The following ERH variants were observed in gnomAD, a reference collection of about 807,000 sequenced individuals.
ERH encodes the protein enhancer of rudimentary homolog.
Under a neutral mutation model 16.8 loss-of-function variants are expected in ERH, and 1 was observed. That is an observed-to-expected ratio of 0.06 (90% CI 0.02 to 0.28). ERH has a LOEUF of 0.28. Among genes scored for constraint, ERH ranks in the 10% least tolerant of loss-of-function variants. The probability of loss-of-function intolerance (pLI) is 1.00; values close to 1 mark genes in which losing one functional copy is unlikely to be tolerated. For missense variants in ERH, 42 were observed against 127.5 expected, an observed-to-expected ratio of 0.33 and a Z score of 3.23; for synonymous variants, 43 against 43.6, an observed-to-expected ratio of 0.99 and a Z score of 0.05.
intron 2 of ERH, among the ~76,000 whole-genome samples, chr14:69,387,826 C>T (rs1416357994): frequency 2.0e-5 from 3 of 152,042 alleles, no homozygotes; most frequent in African/African-American, 7.2e-5. Flanking sequence ...GGGCGGATCA[C>T]GAGGTCAGGA....
rs1594885037 is a variant in ERH at position 69,380,426 on chromosome 14, A to T, written c.*112T>A. ...TCATCTAATACAGTCAATCTTGGCT[A>T]GAGTATAACAAAGTGGAAACAGGAT... On this transcript the variant is annotated 3_prime_UTR_variant, in exon 4 of 4. Coordinates refer to ENST00000557016, the MANE Select transcript of ERH (RefSeq NM_004450.3). 1 of 587,018 alleles carries T rather than the reference A, an allele frequency of 1.7e-6. No individual in the cohort carries two copies. 36.4% of individuals were successfully genotyped at this position (587,018 alleles called of 1,614,324 possible).
intron 2 of ERH, among the ~76,000 whole-genome samples, chr14:69,390,845 C>T (rs992900583): frequency 6.6e-6 from 1 of 152,094 alleles, no homozygotes; most frequent in Non-Finnish European, 1.5e-5. Context: ...GAAAAATAGG[C>T]AGAAGATCTG....
intron 3 of ERH, 147 bp from the exon 4 acceptor site, chr14:69,380,787 A>G (rs1475537495): frequency 3.4e-6 from 2 of 580,056 alleles, no homozygotes; most frequent in African/African-American, 1.9e-5. Context: ...CTACTTACAC[A>G]GTCGTTGAAT....
chr14:69,391,544 T>G (rs1015196901), intron 2 of ERH, among the ~76,000 whole-genome samples: 7 of 145,014 alleles, frequency 4.8e-5, no homozygotes, highest in Admixed American at 4.4e-4. Flanking sequence ...GCTACTTGGG[T>G]GGCTGAGGCA....
In ERH at chr14:69,394,970, T is replaced by TA. The variant is rs3837663; in HGVS notation, c.4-59dup. The TA allele has an allele frequency of 1.1e-3, 1,333 of 1,175,306 alleles. 6 individuals carry two copies. Among genetic ancestry groups the TA allele is most frequent in the South Asian group, 5.8e-3 (442 of 76,218 alleles). The allele number at this position is 1,175,306 out of a possible 1,614,324, so 72.8% of individuals were successfully genotyped here. A position where few individuals can be genotyped will look rare whatever the true frequency, so the allele number is the denominator to read the frequency against. On this transcript the variant is annotated intron_variant, in intron 1 of 3. Transcript: ENST00000557016. Reference sequence around the variant, plus strand: ...TCTATTTGAGAAATTCATAGTATGATAAAAAAAAATCCCCATTTGTAATGC... The same window carrying TA: ...TCTATTTGAGAAATTCATAGTATGATAAAAAAAAAATCCCCATTTGTAATGC...
At chr14:69,386,197 C>T (rs1341942105) in intron 3 of ERH, among the ~76,000 whole-genome samples, 1 of 152,196 alleles carries the variant, frequency 6.6e-6, no homozygotes, top group East Asian at 1.9e-4. Flanking sequence ...TTTGGGGAGA[C>T]AGCATGGTGC....
chr14:69,380,790 C>T (rs1402959597), intron 3 of ERH, 150 bp from the exon 4 acceptor site: 5 of 571,160 alleles, frequency 8.8e-6, no homozygotes, highest in South Asian at 4.5e-5. Flanking sequence ...CTTACACAGT[C>T]GTTGAATTTT....
intron 1 of ERH, 68 bp downstream of exon 1, chr14:69,398,163 C>A (rs1882414883): frequency 4.4e-6 from 7 of 1,598,476 alleles, no homozygotes; most frequent in Non-Finnish European, 6.0e-6. Context: ...GAGGGGAAAA[C>A]GTATGGGGCT....
At chr14:69,381,953 A>G (rs2045866121) in intron 3 of ERH, among the ~76,000 whole-genome samples, 1 of 152,242 alleles carries the variant, frequency 6.6e-6, no homozygotes, top group African/African-American at 2.4e-5. Flanking sequence ...GGCCGCCCAA[A>G]GTGCTGGGAT....
At chr14:69,381,267 AAAAAAC>A (rs549487651) in intron 3 of ERH, among the ~76,000 whole-genome samples, 1 of 152,222 alleles carries the variant, frequency 6.6e-6, no homozygotes, top group African/African-American at 2.4e-5. Flanking sequence ...CTCCATCTCA[AAAAAAC>A]AAAAACAACA....
intron 2 of ERH, among the ~76,000 whole-genome samples, chr14:69,394,192 T>C (rs1283421718): frequency 6.6e-6 from 1 of 151,982 alleles, no homozygotes; most frequent in Non-Finnish European, 1.5e-5. Context: ...GTAAAATATT[T>C]CCATACTGTA....
chr14:69,391,473 C>T (rs1419280461), intron 2 of ERH, among the ~76,000 whole-genome samples: 1 of 151,300 alleles, frequency 6.6e-6, no homozygotes, highest in Non-Finnish European at 1.5e-5. Context: ...CAGTAAAACC[C>T]GTCTCTACTA....
In ERH at chr14:69,394,526, G is replaced by A. The variant is rs142814720; in HGVS notation, c.91+299C>T. Reference sequence around the variant, plus strand: ...CACAAGAGAATCACTTGAACCTGGGGGGCGGAGGTTGCGTAAGCCGAGATC... The same window carrying A: ...CACAAGAGAATCACTTGAACCTGGGAGGCGGAGGTTGCGTAAGCCGAGATC... On this transcript the variant is annotated intron_variant, in intron 2 of 3. Coordinates refer to ENST00000557016, the MANE Select transcript of ERH (RefSeq NM_004450.3). 3.1e-3 allele frequency among the ~76,000 whole-genome samples: 477 copies of A among 152,286 alleles called. 4 individuals carry two copies. Among genetic ancestry groups the A allele is most frequent in the African/African-American group, 0.011 (462 of 41,546 alleles).
chr14:69,386,757 C>A, intron 3 of ERH: 1 of 443,950 alleles, frequency 2.3e-6, no homozygotes, highest in Non-Finnish European at 3.9e-6. Flanking sequence ...CTAACTATAT[C>A]AATTAGCAAA....
At chr14:69,392,376 A>T (rs1485709020) in intron 2 of ERH, among the ~76,000 whole-genome samples, 2 of 152,158 alleles carry the variant, frequency 1.3e-5, no homozygotes, top group Non-Finnish European at 2.9e-5. Flanking sequence ...GACATGGGGG[A>T]AACATAATAA....
chr14:69,385,139 C>T (rs1282097077), intron 3 of ERH, among the ~76,000 whole-genome samples: 1 of 152,174 alleles, frequency 6.6e-6, no homozygotes, highest in Non-Finnish European at 1.5e-5. Flanking sequence ...CTGTTGTCCT[C>T]ATATATGCCC....
At chr14:69,396,406 C>A (rs1203129275) in intron 1 of ERH, among the ~76,000 whole-genome samples, 2 of 152,210 alleles carry the variant, frequency 1.3e-5, no homozygotes, top group Non-Finnish European at 2.9e-5. Context: ...GGATTACAGG[C>A]ATGCACCACC....
chr14:69,387,281 G>T lies in ERH; in HGVS notation c.92-198C>A, dbSNP rs140912952. Reference sequence around the variant, plus strand: ...TTATTTTATAAATTCACCAGGTCAGGTGTAGTGGCTTACGCCTGTAATCCC... The same window carrying T: ...TTATTTTATAAATTCACCAGGTCAGTTGTAGTGGCTTACGCCTGTAATCCC... On this transcript the variant is annotated intron_variant, in intron 2 of 3. Coordinates refer to ENST00000557016, the MANE Select transcript of ERH (RefSeq NM_004450.3). Among the ~76,000 whole-genome samples, 477 of 152,356 alleles carry T rather than the reference G, an allele frequency of 3.1e-3. 4 individuals are homozygous for T. The highest frequency in any genetic ancestry group is 0.011 in the African/African-American group (463 of 41,580).
At chr14:69,391,797 G>A (rs903747821) in intron 2 of ERH, among the ~76,000 whole-genome samples, 4 of 152,008 alleles carry the variant, frequency 2.6e-5, no homozygotes, top group African/African-American at 4.8e-5. Context: ...GGGTTTGGGG[G>A]TGGTGGCAGG....
Sources: allele counts gnomAD v4.1 joint callset (sites outside exome capture counted in the v4.1 genomes callset), GRCh38; gene constraint gnomAD v4.1.1; transcripts MANE v1.5; gene names NCBI Gene and HGNC (gene_info 2026-07-23, HGNC 2026-07-21).